The following KIAA1328 variants were observed in gnomAD, a reference collection of about 807,000 sequenced individuals.
KIAA1328 encodes protein hinderin.
In KIAA1328, 52 loss-of-function variants were observed where a neutral mutation model predicts 68.1. The ratio of observed to expected loss-of-function variants is 0.76; its 90% CI spans 0.61 to 0.96. KIAA1328 has a LOEUF of 0.96. Ranked by LOEUF, KIAA1328 falls within the 40% of genes least tolerant of loss-of-function variation. The probability of loss-of-function intolerance (pLI) is 0.00; values close to 1 mark genes in which losing one functional copy is unlikely to be tolerated. For missense variants in KIAA1328, 641 were observed against 677.6 expected (o/e 0.95, Z 0.60); for synonymous variants, 232 against 239.4 (o/e 0.97, Z 0.28).
In KIAA1328 at chr18:36,951,718, T is replaced by C. The variant is rs576119982; in HGVS notation, c.449-7590T>C. On this transcript the variant is annotated intron_variant, in intron 5 of 9. Coordinates refer to ENST00000280020, the MANE Select transcript of KIAA1328 (RefSeq NM_020776.3). ...TCTTTTCTTTATTCTGCATTCTCTGTCTTATAAATGGAATCACACATCTGC... is the reference window on the plus strand; with the variant it reads ...TCTTTTCTTTATTCTGCATTCTCTGCCTTATAAATGGAATCACACATCTGC... Among the ~76,000 whole-genome samples, 10 of 152,332 alleles carry C rather than the reference T, an allele frequency of 6.6e-5. No homozygotes were observed. The East Asian group carries it at 1.9e-3, about 29-fold the overall frequency.
At chr18:37,082,321 G>C (rs1289839790) in intron 7 of KIAA1328, among the ~76,000 whole-genome samples, 1 of 151,834 alleles carries the variant, frequency 6.6e-6, no homozygotes, top group African/African-American at 2.4e-5. Context: ...ACAGGCACCT[G>C]CCACCACGCA....
At chr18:37,192,016 G>A (rs2059913993) in intron 9 of KIAA1328, among the ~76,000 whole-genome samples, 1 of 152,162 alleles carries the variant, frequency 6.6e-6, no homozygotes, top group Non-Finnish European at 1.5e-5. Context: ...TCACAAATCA[G>A]TTCTAGTCTC....
chr18:36,869,810 T>A (rs1015815406), intron 4 of KIAA1328, among the ~76,000 whole-genome samples: 2 of 152,158 alleles, frequency 1.3e-5, no homozygotes, highest in Non-Finnish European at 2.9e-5. Context: ...GTGGCTTGAA[T>A]TTAGGACATT....
At chr18:36,902,967 C>T (rs753741943) in intron 5 of KIAA1328, among the ~76,000 whole-genome samples, 1 of 151,986 alleles carries the variant, frequency 6.6e-6, no homozygotes, top group Admixed American at 6.6e-5. Flanking sequence ...AAATATATAT[C>T]TGTTAATCTT....
At chr18:37,121,645 G>T (rs2058274837) in intron 7 of KIAA1328, among the ~76,000 whole-genome samples, 1 of 152,056 alleles carries the variant, frequency 6.6e-6, no homozygotes, top group Admixed American at 6.6e-5. Context: ...TTTATATAAT[G>T]ACTGGAAAGA....
intron 7 of KIAA1328, among the ~76,000 whole-genome samples, chr18:37,131,669 T>A (rs1163155671): frequency 1.3e-5 from 2 of 152,190 alleles, no homozygotes; most frequent in East Asian, 3.8e-4. Context: ...TGCAGAATTT[T>A]AAAACTATGG....
intron 6 of KIAA1328, among the ~76,000 whole-genome samples, chr18:36,983,006 G>A (rs1019558007): frequency 6.6e-6 from 1 of 151,978 alleles, no homozygotes; most frequent in South Asian, 2.1e-4. Flanking sequence ...GATGAACAAA[G>A]GGGATGATAC....
intron 7 of KIAA1328, among the ~76,000 whole-genome samples, chr18:37,099,223 T>A (rs963968799): frequency 6.6e-5 from 10 of 152,248 alleles, no homozygotes; most frequent in African/African-American, 9.6e-5. Context: ...GTGCTATAAA[T>A]TTCCTTCTAC....
intron 6 of KIAA1328, among the ~76,000 whole-genome samples, chr18:36,988,709 T>C (rs758644406): frequency 2.1e-4 from 32 of 152,324 alleles, no homozygotes; most frequent in Admixed American, 3.3e-4. Flanking sequence ...GCCAATATGC[T>C]TGGGTTCCTA....
chr18:37,022,714 A>G (rs960445013), intron 6 of KIAA1328, among the ~76,000 whole-genome samples: 1 of 152,204 alleles, frequency 6.6e-6, no homozygotes, highest in Non-Finnish European at 1.5e-5. Context: ...ATTTACTCCC[A>G]TAGCTTCTGC....
chr18:36,983,839 T>G (rs1195488570), intron 6 of KIAA1328, among the ~76,000 whole-genome samples: 1 of 152,164 alleles, frequency 6.6e-6, no homozygotes, highest in Admixed American at 6.5e-5. Context: ...TGAATCTACA[T>G]GCAAAAATTC....
intron 7 of KIAA1328, among the ~76,000 whole-genome samples, chr18:37,119,921 G>T (rs1158392607): frequency 6.6e-6 from 1 of 152,086 alleles, no homozygotes; most frequent in East Asian, 1.9e-4. Context: ...AGCTCTTAGA[G>T]AAATGGTTTA....
At chr18:36,891,856 A>C (rs1381653720) in intron 5 of KIAA1328, among the ~76,000 whole-genome samples, 1 of 152,212 alleles carries the variant, frequency 6.6e-6, no homozygotes, top group Non-Finnish European at 1.5e-5. Context: ...ATATTCATTT[A>C]CATTAGTAAT....
intron 6 of KIAA1328, among the ~76,000 whole-genome samples, chr18:37,017,764 G>A (rs535842036): frequency 2.0e-5 from 3 of 152,082 alleles, no homozygotes; most frequent in South Asian, 2.1e-4. Flanking sequence ...GTTTTGTCAG[G>A]TATTAGAATA....
chr18:36,928,040 A>G (rs894346140), intron 5 of KIAA1328, among the ~76,000 whole-genome samples: 3 of 152,220 alleles, frequency 2.0e-5, no homozygotes, highest in Non-Finnish European at 4.4e-5. Context: ...TATCTGATTT[A>G]GAAAGAAATG....
chr18:37,159,904 G>T (rs1298728821), intron 7 of KIAA1328, among the ~76,000 whole-genome samples: 1 of 152,102 alleles, frequency 6.6e-6, no homozygotes, highest in African/African-American at 2.4e-5. Context: ...TATTTCTATA[G>T]ATAGCCTGGT....
intron 7 of KIAA1328, among the ~76,000 whole-genome samples, chr18:37,114,684 A>G (rs564063049): frequency 6.6e-6 from 1 of 152,356 alleles, no homozygotes; most frequent in South Asian, 2.1e-4. Flanking sequence ...GGAGACAGAG[A>G]CACAAACAAC....
intron 6 of KIAA1328, 50 bp downstream of exon 6, chr18:36,959,485 G>C (rs1312038360): frequency 1.3e-6 from 2 of 1,561,652 alleles, no homozygotes; most frequent in Non-Finnish European, 1.7e-6. Context: ...TCAGCAAGAT[G>C]TCAGAAGAGC....
At chr18:37,199,866 CAT>C (rs2060074967) in intron 9 of KIAA1328, among the ~76,000 whole-genome samples, 1 of 152,110 alleles carries the variant, frequency 6.6e-6, no homozygotes, top group Non-Finnish European at 1.5e-5. Flanking sequence ...AGCATTTTTT[CAT>C]ATGATTGTTG....
Sources: gnomAD v4.1 joint callset for allele counts (sites outside exome capture counted in the v4.1 genomes callset) on GRCh38, gnomAD v4.1.1 for gene constraint, MANE v1.5 for transcripts, NCBI Gene and HGNC (gene_info 2026-07-23, HGNC 2026-07-21) for gene names.